Variants in ACCSL observed in about 807,000 individuals in gnomAD.
The protein encoded by ACCSL is probable inactive 1-aminocyclopropane-1-carboxylate synthase-like protein 2.
A neutral mutation model predicts 61.7 loss-of-function variants in ACCSL; 55 were observed. That is an observed-to-expected ratio of 0.89 (90% CI 0.72 to 1.12). The LOEUF (loss-of-function observed/expected upper bound fraction) is 1.12. Among genes scored for constraint, ACCSL ranks in the 50% most tolerant of loss-of-function variants. ACCSL has a pLI of 0.00. For synonymous variants in ACCSL, 258 were observed against 264.3 expected, an observed-to-expected ratio of 0.98 and a Z score of 0.23; for missense variants, 632 against 698.0, an observed-to-expected ratio of 0.91 and a Z score of 1.07.
At chr11:44,004,762 G>A in the ACCSL span, among the ~76,000 whole-genome samples, 1 of 152,190 alleles carries the variant, frequency 6.6e-6, no homozygotes, top group Non-Finnish European at 1.5e-5. Flanking sequence ...AGCATTGACA[G>A]CATCTGGGAG....
At chr11:44,004,296 A>T in the ACCSL span, among the ~76,000 whole-genome samples, 2 of 152,150 alleles carry the variant, frequency 1.3e-5, no homozygotes, top group East Asian at 3.9e-4. Context: ...GGGGAAGGAC[A>T]CAGAGCGGGT....
the ACCSL span, among the ~76,000 whole-genome samples, chr11:43,937,321 TGAAA>T: frequency 6.2e-4 from 94 of 152,146 alleles, no homozygotes; most frequent in Non-Finnish European, 1.8e-4. Context: ...AAACATGCCA[TGAAA>T]GAAAGGGGGA....
chr11:44,009,020 T>C, the ACCSL span, among the ~76,000 whole-genome samples: 1 of 151,806 alleles, frequency 6.6e-6, no homozygotes, highest in African/African-American at 2.4e-5. Flanking sequence ...TACAAAAAAT[T>C]AGCCAGGCAT....
the ACCSL span, among the ~76,000 whole-genome samples, chr11:44,025,558 T>C: frequency 2.6e-5 from 4 of 152,182 alleles, no homozygotes; most frequent in South Asian, 2.1e-4. Flanking sequence ...TATACCATTA[T>C]CTTTTAAATC....
chr11:44,001,579 G>C, the ACCSL span, among the ~76,000 whole-genome samples: 1 of 151,986 alleles, frequency 6.6e-6, no homozygotes, highest in African/African-American at 2.4e-5. Flanking sequence ...TGGCCTCGGC[G>C]TGTCCATCTG....
the ACCSL span, among the ~76,000 whole-genome samples, chr11:43,955,034 G>T: frequency 6.6e-6 from 1 of 152,188 alleles, no homozygotes; most frequent in Non-Finnish European, 1.5e-5. Context: ...TTTGGGGGCT[G>T]CTTTTGTTAA....
upstream of ACCSL, among the ~76,000 whole-genome samples, chr11:44,045,461 C>CA (rs896276514): frequency 5.9e-5 from 9 of 152,144 alleles, 1 homozygote; most frequent in South Asian, 4.2e-4. Flanking sequence ...ACCCCCCCCA[C>CA]AAAAAAACCA....
chr11:43,960,904 C>T, the ACCSL span, among the ~76,000 whole-genome samples: 5 of 152,098 alleles, frequency 3.3e-5, no homozygotes, highest in Non-Finnish European at 5.9e-5. Flanking sequence ...CTGCAACCTC[C>T]GCTTCCTGGG....
the ACCSL span, among the ~76,000 whole-genome samples, chr11:43,980,411 A>C: frequency 2.1e-4 from 32 of 152,158 alleles, no homozygotes; most frequent in Non-Finnish European, 4.3e-4. Flanking sequence ...TTTTTGCTGC[A>C]CTCTTATCAC....
Position 44,048,261 on chromosome 11 carries a change from A to T in ACCSL, c.225A>T (p.Ile75=), listed in dbSNP as rs1952612569. The change falls in exon 1 of 14, where the codon ATA becomes ATT. Residue 75 remains isoleucine (I), a synonymous_variant. Transcript: ENST00000378832. The stretch of plus-strand genomic sequence containing the variant: ...ATGAAGCCCTTCTGAGTCGCTTAAT[A>T]TGCCGGATGATCAACCTCCTACAGT... ...CEHEALLSRL[I]CRMINLLQSG... 6.2e-7 allele frequency: 1 copy of T among 1,613,966 alleles called. No homozygotes were observed. Among genetic ancestry groups the T allele is most frequent in the South Asian group, 1.1e-5 (1 of 91,080 alleles).
At chr11:44,023,678 C>T in the ACCSL span, among the ~76,000 whole-genome samples, 1 of 142,508 alleles carries the variant, frequency 7.0e-6, no homozygotes, top group Non-Finnish European at 1.5e-5. Flanking sequence ...TATTTCCTTC[C>T]TCTGGCTTGC....
Position 44,056,045 on chromosome 11 carries a change from C to A in ACCSL, c.1145C>A (p.Pro382His). ...TTTTTCCACTTCTTCTTCAGTTTGCCTGATAGCAACAGGACCCATGTGATC... is the reference window on the plus strand; with the variant it reads ...TTTTTCCACTTCTTCTTCAGTTTGCATGATAGCAACAGGACCCATGTGATC... ...FHSILSMKSL[P>H]DSNRTHVIWG... Residue 382 changes from proline (P) to histidine (H), a missense_variant, in exon 10 of 14, where the codon CCT becomes CAT. Coordinates refer to ENST00000378832, the MANE Select transcript of ACCSL (RefSeq NM_001031854.2). 1 of 1,614,180 alleles carries A rather than the reference C, an allele frequency of 6.2e-7. No individual in the cohort carries two copies. Among genetic ancestry groups the A allele is most frequent in the Non-Finnish European group, 8.5e-7 (1 of 1,180,030 alleles).
At chr11:44,026,676 C>G in the ACCSL span, among the ~76,000 whole-genome samples, 1 of 151,950 alleles carries the variant, frequency 6.6e-6, no homozygotes, top group Non-Finnish European at 1.5e-5. Context: ...CAGATTCTGT[C>G]CCTTCACTAG....
At chr11:44,020,439 T>C in the ACCSL span, among the ~76,000 whole-genome samples, 1,931 of 152,292 alleles carry the variant, frequency 0.013, 51 homozygotes, top group African/African-American at 0.044. Context: ...TCTTTCACCA[T>C]TAAGAATGAT....
chr11:43,933,833 C>T, the ACCSL span, among the ~76,000 whole-genome samples: 1 of 152,118 alleles, frequency 6.6e-6, no homozygotes. Flanking sequence ...CCTGACTCCA[C>T]CCTGGTGTTC....
chr11:44,058,487 T>C, intron 12 of ACCSL, 28 bp downstream of exon 12: 1 of 1,614,136 alleles, frequency 6.2e-7, no homozygotes, highest in Non-Finnish European at 8.5e-7. Flanking sequence ...GGACAGGTGT[T>C]CTTGGGCAGA....
At chr11:43,971,793 C>G in the ACCSL span, among the ~76,000 whole-genome samples, 1 of 152,090 alleles carries the variant, frequency 6.6e-6, no homozygotes, top group Admixed American at 6.5e-5. Context: ...CTAGTGAGGC[C>G]CTTCCAACTC....
the ACCSL span, among the ~76,000 whole-genome samples, chr11:43,964,828 CAA>C: frequency 3.8e-3 from 482 of 125,254 alleles, 3 homozygotes; most frequent in African/African-American, 0.016. Flanking sequence ...GTTAAGACAA[CAA>C]AGGGTAAAAA....
the ACCSL span, among the ~76,000 whole-genome samples, chr11:44,030,768 A>G: frequency 6.6e-6 from 1 of 152,162 alleles, no homozygotes; most frequent in Admixed American, 6.5e-5. Flanking sequence ...GTTTGTGTCA[A>G]TAGGATGGAA....
Sources: gnomAD v4.1 joint callset for allele counts (sites outside exome capture counted in the v4.1 genomes callset) on GRCh38, gnomAD v4.1.1 for gene constraint, MANE v1.5 for transcripts, NCBI Gene and HGNC (gene_info 2026-07-23, HGNC 2026-07-21) for gene names.